The following RIMS2 variants were observed in gnomAD, a reference collection of about 807,000 sequenced individuals.
RIMS2 encodes the protein regulating synaptic membrane exocytosis protein 2.
RIMS2 carries 59 observed loss-of-function variants against 174.4 expected under a neutral mutation model. The ratio of observed to expected loss-of-function variants is 0.34; its 90% CI spans 0.27 to 0.42. The LOEUF (loss-of-function observed/expected upper bound fraction) is 0.42, where lower values mean the gene tolerates loss of function less well. RIMS2 is among the 10% of genes least tolerant of loss of function. The probability of loss-of-function intolerance (pLI) is 1.00; values close to 1 mark genes in which losing one functional copy is unlikely to be tolerated. For missense variants in RIMS2, 1,620 were observed against 1,666.3 expected, an observed-to-expected ratio of 0.97 and a Z score of 0.48; for synonymous variants, 606 against 572.5, an observed-to-expected ratio of 1.06 and a Z score of -0.84.
chr8:104,101,426 G>T (rs944492100), intron 19 of RIMS2, among the ~76,000 whole-genome samples: 1 of 152,054 alleles, frequency 6.6e-6, no homozygotes, highest in Non-Finnish European at 1.5e-5. Flanking sequence ...ACCGTGCCCG[G>T]CCTTCTTGGA....
At chr8:103,900,636 A>G (rs151168856) in intron 4 of RIMS2, among the ~76,000 whole-genome samples, 11 of 152,154 alleles carry the variant, frequency 7.2e-5, no homozygotes, top group Non-Finnish European at 1.5e-4. Flanking sequence ...AAGTGGGGTT[A>G]TGATGATACT....
At chr8:103,753,316 G>T (rs1011995042) in intron 2 of RIMS2, among the ~76,000 whole-genome samples, 1 of 152,302 alleles carries the variant, frequency 6.6e-6, no homozygotes, top group African/African-American at 2.4e-5. Flanking sequence ...GCTTTTTGAT[G>T]TGATGCTGGA....
chr8:103,620,147 C>T (rs10505047), intron 1 of RIMS2, among the ~76,000 whole-genome samples: 29,395 of 151,970 alleles, frequency 0.19, 3,037 homozygotes, highest in Middle Eastern at 0.3. Context: ...TCAATGAATG[C>T]TGAAATAATT....
chr8:103,619,909 G>T (rs7823940), intron 1 of RIMS2, among the ~76,000 whole-genome samples: 27,689 of 151,988 alleles, frequency 0.18, 2,767 homozygotes, highest in African/African-American at 0.26. Flanking sequence ...ATATGAACAT[G>T]TCTATGAAAC....
At chr8:103,987,350 A>G (rs554137174) in intron 16 of RIMS2, among the ~76,000 whole-genome samples, 2 of 152,156 alleles carry the variant, frequency 1.3e-5, no homozygotes, top group South Asian at 4.1e-4. Flanking sequence ...AATTTAAATC[A>G]TGTCGGTGAG....
intron 2 of RIMS2, among the ~76,000 whole-genome samples, chr8:103,731,096 G>A (rs140099758): frequency 2.0e-5 from 3 of 152,198 alleles, no homozygotes; most frequent in African/African-American, 7.2e-5. Flanking sequence ...AGGTCAGCAT[G>A]GGAAAGACCC....
intron 3 of RIMS2, among the ~76,000 whole-genome samples, chr8:103,775,417 C>A (rs893644039): frequency 1.3e-5 from 2 of 152,086 alleles, no homozygotes; most frequent in South Asian, 4.2e-4. Flanking sequence ...AATCTAATAA[C>A]CTGGAAGCAA....
chr8:103,819,246 G>A (rs2098736236), intron 3 of RIMS2: 2 of 1,283,248 alleles, frequency 1.6e-6, no homozygotes, highest in East Asian at 7.6e-5. Context: ...TGCCCAAAAA[G>A]CTTACTGCTG....
chr8:103,579,490 A>G (rs1198929666), intron 1 of RIMS2, among the ~76,000 whole-genome samples: 3 of 152,182 alleles, frequency 2.0e-5, no homozygotes, highest in Admixed American at 1.3e-4. Context: ...TCTAACAATA[A>G]TCATAGTTAT....
chr8:103,595,037 C>A (rs1563930228), intron 1 of RIMS2, among the ~76,000 whole-genome samples: 1 of 151,682 alleles, frequency 6.6e-6, no homozygotes, highest in African/African-American at 2.4e-5. Flanking sequence ...AGTAGATGAC[C>A]ATGTCACATA....
At chr8:104,177,220 T>C (rs2098906869) in intron 19 of RIMS2, among the ~76,000 whole-genome samples, 1 of 152,146 alleles carries the variant, frequency 6.6e-6, no homozygotes. Context: ...ACATATTAAG[T>C]GACTTTCTCA....
chr8:103,922,402 G>A (rs756352295), intron 10 of RIMS2, among the ~76,000 whole-genome samples: 14 of 151,854 alleles, frequency 9.2e-5, no homozygotes, highest in Non-Finnish European at 1.9e-4. Context: ...ATTTTATATT[G>A]TGTTGATATT....
intron 19 of RIMS2, among the ~76,000 whole-genome samples, chr8:104,236,172 T>C (rs975859272): frequency 2.0e-5 from 3 of 151,974 alleles, no homozygotes. Context: ...TGATATAAAC[T>C]TTATATAGTC....
chr8:103,807,533 T>C (rs2098658260), intron 3 of RIMS2, among the ~76,000 whole-genome samples: 1 of 152,106 alleles, frequency 6.6e-6, no homozygotes, highest in East Asian at 1.9e-4. Context: ...GGGTAGTACC[T>C]GGAAGGGAAT....
chr8:103,797,964 A>G (rs2098563333), intron 3 of RIMS2, among the ~76,000 whole-genome samples: 1 of 152,094 alleles, frequency 6.6e-6, no homozygotes, highest in African/African-American at 2.4e-5. Flanking sequence ...TGGTCTTCCT[A>G]TTCTTCTTTG....
intron 19 of RIMS2, among the ~76,000 whole-genome samples, chr8:104,022,004 G>T (rs2096108785): frequency 6.6e-6 from 1 of 152,186 alleles, no homozygotes; most frequent in Non-Finnish European, 1.5e-5. Flanking sequence ...TGTGGATTCA[G>T]TCATCAGTCG....
chr8:104,167,463 A>G, intron 19 of RIMS2, among the ~76,000 whole-genome samples: 1 of 151,982 alleles, frequency 6.6e-6, no homozygotes, highest in Admixed American at 6.6e-5. Context: ...TTTGCTGGCT[A>G]TTTGTATATC....
chr8:104,177,097 A>G (rs1476313693), intron 19 of RIMS2, among the ~76,000 whole-genome samples: 1 of 152,152 alleles, frequency 6.6e-6, no homozygotes, highest in Non-Finnish European at 1.5e-5. Flanking sequence ...TAATAATATA[A>G]TGTATTTCGT....
At chr8:104,131,700 G>T (rs2098474994) in intron 19 of RIMS2, among the ~76,000 whole-genome samples, 1 of 151,928 alleles carries the variant, frequency 6.6e-6, no homozygotes, top group African/African-American at 2.4e-5. Flanking sequence ...AGAGAAAATT[G>T]AATCTTTCAA....
Sources: gnomAD v4.1 joint callset for allele counts (sites outside exome capture counted in the v4.1 genomes callset) on GRCh38, gnomAD v4.1.1 for gene constraint, MANE v1.5 for transcripts, NCBI Gene and HGNC (gene_info 2026-07-23, HGNC 2026-07-21) for gene names.